The following RIMS1 variants were observed in gnomAD, a reference collection of about 807,000 sequenced individuals.
The protein encoded by RIMS1 is regulating synaptic membrane exocytosis protein 1.
A neutral mutation model predicts 214.1 loss-of-function variants in RIMS1; 83 were observed. The observed-to-expected ratio is 0.39, with a 90% confidence interval of 0.32 to 0.47. RIMS1 has a LOEUF of 0.47. RIMS1 is among the 20% of genes least tolerant of loss of function. The pLI, the probability that RIMS1 is intolerant of heterozygous loss-of-function variation, is 0.99. For missense variants in RIMS1, 2,050 were observed against 2,161.8 expected, an observed-to-expected ratio of 0.95 and a Z score of 1.03; for synonymous variants, 793 against 786.8, an observed-to-expected ratio of 1.01 and a Z score of -0.13.
intron 2 of RIMS1, among the ~76,000 whole-genome samples, chr6:72,023,090 T>C (rs1456678084): frequency 6.6e-6 from 1 of 152,168 alleles, no homozygotes; most frequent in East Asian, 1.9e-4. Context: ...GATTTTTGAA[T>C]TATTTTGCTT....
At chr6:71,895,930 A>C (rs749690532) in intron 1 of RIMS1, among the ~76,000 whole-genome samples, 20 of 152,312 alleles carry the variant, frequency 1.3e-4, no homozygotes, top group Middle Eastern at 3.4e-3. Flanking sequence ...ATGAAAACAA[A>C]AGTAAAGTAA....
At chr6:72,257,245 A>G (rs2076255654) in intron 16 of RIMS1, among the ~76,000 whole-genome samples, 1 of 151,582 alleles carries the variant, frequency 6.6e-6, no homozygotes. Context: ...TCCTTATGAT[A>G]ATAAAAAACA....
At chr6:71,973,367 TTTC>T (rs1796367267) in intron 2 of RIMS1, among the ~76,000 whole-genome samples, 1 of 152,202 alleles carries the variant, frequency 6.6e-6, no homozygotes, top group African/African-American at 2.4e-5. Flanking sequence ...GCATTGTATT[TTTC>T]TTATTTGGTC....
chr6:71,967,931 T>G (rs1171434425), intron 1 of RIMS1, among the ~76,000 whole-genome samples: 1 of 152,148 alleles, frequency 6.6e-6, no homozygotes, highest in Non-Finnish European at 1.5e-5. Flanking sequence ...GGAAAACAGT[T>G]TATCTACCAC....
intron 4 of RIMS1, among the ~76,000 whole-genome samples, chr6:72,161,483 G>C (rs1428380892): frequency 7.1e-6 from 1 of 140,170 alleles, no homozygotes; most frequent in African/African-American, 2.5e-5. Flanking sequence ...TGATGTTAGG[G>C]TGTCAATTTT....
intron 2 of RIMS1, among the ~76,000 whole-genome samples, chr6:71,979,860 A>G (rs1798070891): frequency 6.6e-6 from 1 of 152,110 alleles, no homozygotes. Context: ...AATCACTGAT[A>G]TGTACCACTA....
At chr6:72,032,081 G>T (rs538242582) in intron 2 of RIMS1, among the ~76,000 whole-genome samples, 1 of 152,170 alleles carries the variant, frequency 6.6e-6, no homozygotes, top group East Asian at 1.9e-4. Context: ...AGGAAGGAAT[G>T]CAGAGTCTAA....
At chr6:72,034,963 T>C (rs1485422952) in intron 2 of RIMS1, among the ~76,000 whole-genome samples, 1 of 152,198 alleles carries the variant, frequency 6.6e-6, no homozygotes, top group East Asian at 1.9e-4. Flanking sequence ...ATAATAACAA[T>C]CTCCAATAGT....
At chr6:72,235,394 T>G (rs1165917731) in intron 7 of RIMS1, among the ~76,000 whole-genome samples, 1 of 152,088 alleles carries the variant, frequency 6.6e-6, no homozygotes. Context: ...TATTTTACTT[T>G]GTACTACTAC....
intron 10 of RIMS1, among the ~76,000 whole-genome samples, chr6:72,243,710 A>G (rs1421142749): frequency 6.6e-6 from 1 of 151,728 alleles, no homozygotes; most frequent in Non-Finnish European, 1.5e-5. Context: ...AGTAACAGAC[A>G]ATTAAAGTAG....
chr6:71,894,787 T>G (rs1562138022), intron 1 of RIMS1, among the ~76,000 whole-genome samples: 1 of 152,216 alleles, frequency 6.6e-6, no homozygotes, highest in East Asian at 1.9e-4. Context: ...GATGTTTAGA[T>G]AGTAAAATAA....
chr6:72,277,318 AC>A (rs879489216), intron 23 of RIMS1, among the ~76,000 whole-genome samples: 7 of 152,234 alleles, frequency 4.6e-5, no homozygotes, highest in Admixed American at 3.3e-4. Context: ...GAGGTGGCTC[AC>A]GCCTGTAATC....
intron 2 of RIMS1, among the ~76,000 whole-genome samples, chr6:72,017,122 C>A (rs1813022959): frequency 6.6e-6 from 1 of 152,200 alleles, no homozygotes; most frequent in South Asian, 2.1e-4. Flanking sequence ...TAGGCAGAGA[C>A]AACATGTGTT....
intron 6 of RIMS1, among the ~76,000 whole-genome samples, chr6:72,221,291 AGTGTGTGTGTGT>A (rs71540331): frequency 7.2e-6 from 1 of 138,582 alleles, no homozygotes; most frequent in African/African-American, 2.6e-5. Context: ...ATCTGGGGTG[AGTGTGTGTGTGT>A]GTGTGTGTGT....
intron 4 of RIMS1, among the ~76,000 whole-genome samples, chr6:72,150,953 C>G (rs1456005817): frequency 6.6e-6 from 1 of 152,152 alleles, no homozygotes; most frequent in East Asian, 1.9e-4. Context: ...TTAGATGGAC[C>G]ATGGTGACAG....
intron 2 of RIMS1, among the ~76,000 whole-genome samples, chr6:72,010,178 T>C (rs955956280): frequency 5.3e-5 from 8 of 151,980 alleles, no homozygotes; most frequent in African/African-American, 1.9e-4. Context: ...GTTCAACATA[T>C]GCAAATCAAT....
intron 1 of RIMS1, among the ~76,000 whole-genome samples, chr6:71,903,474 A>C (rs1177918909): frequency 6.6e-6 from 1 of 152,194 alleles, no homozygotes; most frequent in Non-Finnish European, 1.5e-5. Context: ...CGTCAAAAGC[A>C]ATTGCAACAA....
intron 29 of RIMS1, among the ~76,000 whole-genome samples, chr6:72,340,551 C>G (rs1361254494): frequency 6.6e-6 from 1 of 152,050 alleles, no homozygotes; most frequent in East Asian, 1.9e-4. Context: ...AATCCTTTCC[C>G]CATTTCTTGT....
chr6:71,952,071 G>A (rs1789774025), intron 1 of RIMS1, among the ~76,000 whole-genome samples: 1 of 152,100 alleles, frequency 6.6e-6, no homozygotes, highest in African/African-American at 2.4e-5. Flanking sequence ...TCATGCATGG[G>A]CAGGCCTGAC....
Sources: gnomAD v4.1 joint callset for allele counts (sites outside exome capture counted in the v4.1 genomes callset) on GRCh38, gnomAD v4.1.1 for gene constraint, MANE v1.5 for transcripts, NCBI Gene and HGNC (gene_info 2026-07-23, HGNC 2026-07-21) for gene names.